Variants in PCDHGA11 observed in about 807,000 individuals in gnomAD.
PCDHGA11 encodes protocadherin gamma subfamily A, 11, also known as protocadherin gamma-A11.
A neutral mutation model predicts 60.4 loss-of-function variants in PCDHGA11; 39 were observed. The observed-to-expected ratio is 0.65, with a 90% CI of 0.50 to 0.84. The LOEUF (loss-of-function observed/expected upper bound fraction) is 0.84, where lower values mean the gene tolerates loss of function less well. PCDHGA11 is among the 40% of genes least tolerant of loss of function. PCDHGA11 has a pLI of 0.00. For synonymous variants in PCDHGA11, 533 were observed against 510.3 expected (o/e 1.04, Z -0.60); for missense variants, 1,165 against 1,197.7 (o/e 0.97, Z 0.40).
chr5:141,484,532 G>A (rs1421387882), intron 1 of PCDHGA11, among the ~76,000 whole-genome samples: 1 of 152,182 alleles, frequency 6.6e-6, no homozygotes, highest in Non-Finnish European at 1.5e-5. Context: ...TTGAGTATAT[G>A]GCAGTGGTTC....
At chr5:141,424,297 A>G (rs2096812591) in intron 1 of PCDHGA11, 1 of 152,466 alleles carries the variant, frequency 6.6e-6, no homozygotes, top group African/African-American at 2.4e-5. Flanking sequence ...TCTTCATCCT[A>G]TCAACACAGA....
chr5:141,490,249 C>T lies in PCDHGA11; in HGVS notation c.2434-4558C>T, dbSNP rs2099697737. On this transcript the variant is annotated intron_variant, in intron 1 of 3. Coordinates refer to ENST00000398587, the MANE Select transcript of PCDHGA11 (RefSeq NM_018914.3). The surrounding 1 kb of genome is among the most constrained non-coding windows in gnomAD (Gnocchi z 5.4). ...TGCCATGGAGGGCCACTGTGTGATT[C>T]AAGTGGATGTGGGGGATGTCAATGA... The T allele has an allele frequency of 1.2e-6, 2 of 1,614,218 alleles. No individual in the cohort carries two copies. The highest frequency in any genetic ancestry group is 1.7e-6 in the Non-Finnish European group (2 of 1,180,044).
rs111458813 is a variant in PCDHGA11 at position 141,483,648 on chromosome 5, TTG to T, written c.2434-11139_2434-11138del. Among the ~76,000 whole-genome samples, 82 of 149,502 alleles carry T rather than the reference TTG, an allele frequency of 5.5e-4. 1 individual carries two copies. The highest frequency in any genetic ancestry group is 2.5e-3 in the Admixed American group (37 of 14,990). Reference sequence around the variant, plus strand: ...GGAGAAGGTATAGAGGGGTGTGTGTTTGTGTGTGTGTGTGTGTGTGTAAAAGA... The same window carrying T: ...GGAGAAGGTATAGAGGGGTGTGTGTTTGTGTGTGTGTGTGTGTGTAAAAGA... On this transcript the variant is annotated intron_variant, in intron 1 of 3. Transcript: ENST00000398587.
intron 2 of PCDHGA11, among the ~76,000 whole-genome samples, chr5:141,498,789 C>T (rs1302940884): frequency 6.6e-6 from 1 of 151,980 alleles, no homozygotes; most frequent in Non-Finnish European, 1.5e-5. Context: ...AAATATTAGC[C>T]AGGTGTGGTG....
intron 1 of PCDHGA11, chr5:141,479,646 A>G (rs2099501987): frequency 6.6e-6 from 1 of 152,256 alleles, no homozygotes; most frequent in Admixed American, 6.5e-5. Context: ...CAACAACAAC[A>G]ACAACAATCC....
At chr5:141,433,103 C>T (rs762225174) in intron 1 of PCDHGA11, 3 of 1,614,126 alleles carry the variant, frequency 1.9e-6, no homozygotes, top group Non-Finnish European at 2.5e-6. Flanking sequence ...GCTCGTCAGC[C>T]AGGAGAGCTT....
At chr5:141,465,714 C>T (rs1015102102) in intron 1 of PCDHGA11, among the ~76,000 whole-genome samples, 4 of 152,200 alleles carry the variant, frequency 2.6e-5, no homozygotes, top group Non-Finnish European at 5.9e-5. Context: ...AATGCCACCA[C>T]TTCCACCTCT....
intron 1 of PCDHGA11, among the ~76,000 whole-genome samples, chr5:141,465,335 T>C (rs1222292569): frequency 6.6e-6 from 1 of 152,186 alleles, no homozygotes; most frequent in African/African-American, 2.4e-5. Context: ...ATTTTTTATA[T>C]TGGTTACTGA....
intron 3 of PCDHGA11, 56 bp from the exon 4 acceptor site, chr5:141,510,891 G>A (rs945706652): frequency 8.7e-6 from 14 of 1,612,762 alleles, no homozygotes; most frequent in Middle Eastern, 1.6e-4. Flanking sequence ...ATATAAGACA[G>A]TGACTGTTGA....
chr5:141,478,637 G>A (rs1227108157), intron 1 of PCDHGA11: 2 of 1,552,684 alleles, frequency 1.3e-6, no homozygotes, highest in Non-Finnish European at 1.7e-6. Context: ...TTTTAGTGAT[G>A]AAGATGTTTT....
Position 141,421,977 on chromosome 5 carries a change from G to A in PCDHGA11, c.750G>A (p.Val250=). The A allele has an allele frequency of 6.2e-7, 1 of 1,609,542 alleles. No individual in the cohort carries two copies. The highest frequency in any genetic ancestry group is 1.7e-5 in the Admixed American group (1 of 59,316). Reference sequence around the variant, plus strand: ...TGTTTACACAGTCCGTATATCGCGTGAGTGTTCCAGAAAACATCAGCTCCG... The same window carrying A: ...TGTTTACACAGTCCGTATATCGCGTAAGTGTTCCAGAAAACATCAGCTCCG... ...IPMFTQSVYR[V]SVPENISSGT... Residue 250 remains valine (V), a synonymous_variant, in exon 1 of 4, where the codon GTG becomes GTA. Coordinates refer to ENST00000398587, the MANE Select transcript of PCDHGA11 (RefSeq NM_018914.3).
chr5:141,448,505 T>C (rs1041076095), intron 1 of PCDHGA11, among the ~76,000 whole-genome samples: 24 of 152,172 alleles, frequency 1.6e-4, no homozygotes, highest in African/African-American at 5.8e-4. Flanking sequence ...AGGTAAACAT[T>C]TTATAACTTT....
rs770930842 is a variant in PCDHGA11 at position 141,432,673 on chromosome 5, C to G, written c.2433+9013C>G. 10 of 1,613,804 alleles carry G rather than the reference C, an allele frequency of 6.2e-6. No homozygotes were observed. The East Asian group carries it at 1.3e-4, about 22-fold the overall frequency. ...GAGCCCTGCTGGACAGAGACGCGCT[C>G]AAGCAGAGCCTCGTAGTGGCCGTCC... is the stretch of plus-strand genomic sequence containing the variant. On this transcript the variant is annotated intron_variant, in intron 1 of 3. Transcript: ENST00000398587. The surrounding 1 kb of genome is among the most constrained non-coding windows in gnomAD (Gnocchi z 6.0).
chr5:141,446,633 C>T (rs2098509543), intron 1 of PCDHGA11, among the ~76,000 whole-genome samples: 4 of 152,208 alleles, frequency 2.6e-5, no homozygotes, highest in East Asian at 1.9e-4. Flanking sequence ...TGCACCACCA[C>T]GCCTGGCTAA....
chr5:141,427,111 C>G (rs1324091636), intron 1 of PCDHGA11: 7 of 457,560 alleles, frequency 1.5e-5, no homozygotes, highest in South Asian at 1.1e-4. Context: ...GCGGAGATCA[C>G]CTACTCTTTC....
chr5:141,426,542 T>C, intron 1 of PCDHGA11: 1 of 347,918 alleles, frequency 2.9e-6, no homozygotes, highest in South Asian at 2.2e-5. Context: ...AACATACTTG[T>C]GAGTGACAGA....
chr5:141,497,005 A>T (rs1249733879), intron 2 of PCDHGA11, among the ~76,000 whole-genome samples: 1 of 152,134 alleles, frequency 6.6e-6, no homozygotes, highest in Non-Finnish European at 1.5e-5. Context: ...GGCAGCCAAC[A>T]TGGTGAAACC....
chr5:141,432,128 T>C lies in PCDHGA11; in HGVS notation c.2433+8468T>C. 3 of 1,614,080 alleles carry C rather than the reference T, an allele frequency of 1.9e-6. No homozygotes were observed. Among genetic ancestry groups the C allele is most frequent in the Non-Finnish European group, 2.5e-6 (3 of 1,180,016 alleles). On this transcript the variant is annotated intron_variant, in intron 1 of 3. Coordinates refer to ENST00000398587, the MANE Select transcript of PCDHGA11 (RefSeq NM_018914.3). This position sits in a 1 kb window ranked among gnomAD's most constrained non-coding sequence, Gnocchi z 6.0. ...CCCGCCGGTCTTCCCTCAGGCCTCC[T>C]ATTCCGCTTATATCCCAGAGAACAA... is the stretch of plus-strand genomic sequence containing the variant.
intron 1 of PCDHGA11, chr5:141,428,009 A>G (rs778602169): frequency 3.7e-6 from 6 of 1,602,358 alleles, no homozygotes; most frequent in African/African-American, 2.7e-5. Context: ...TCTTCGATAT[A>G]GTGCCACGCG....
Sources: gnomAD v4.1 joint callset for allele counts (sites outside exome capture counted in the v4.1 genomes callset) on GRCh38, gnomAD v4.1.1 for gene constraint, Gnocchi (gnomAD v3.1) non-coding constraint, MANE v1.5 for transcripts, NCBI Gene and HGNC (gene_info 2026-07-23, HGNC 2026-07-21) for gene names.